The following C2orf74 variants were observed in gnomAD, a reference collection of about 807,000 sequenced individuals.
C2orf74 encodes the protein DPM1 ER membrane anchor 1, also known as uncharacterized protein C2orf74.
Under a neutral mutation model 17.9 loss-of-function variants are expected in C2orf74, and 14 were observed. The ratio of observed to expected loss-of-function variants is 0.78; its 90% CI spans 0.52 to 1.22. The LOEUF is 1.22. Among genes scored for constraint, C2orf74 ranks in the 50% most tolerant of loss-of-function variants. The pLI, the probability that C2orf74 is intolerant of heterozygous loss-of-function variation, is 0.00. For missense variants in C2orf74, 217 were observed against 218.4 expected, an observed-to-expected ratio of 0.99 and a Z score of 0.04; for synonymous variants, 79 against 72.6, an observed-to-expected ratio of 1.09 and a Z score of -0.44.
Position 61,162,507 on chromosome 2 carries a change from C to T in C2orf74, c.-8C>T, listed in dbSNP as rs767564587. 3.2e-6 allele frequency: 5 copies of T among 1,550,142 alleles called. No homozygotes were observed. In the South Asian group the frequency reaches 6.0e-5, roughly 18 times the overall value. On this transcript the variant is annotated 5_prime_UTR_variant, in exon 2 of 5. Transcript: ENST00000432605. ...TTGTGAGAGTGGATGAGTCTTCTAG[C>T]TAAACCTATGAGCTTTGAAACCACA...
At chr2:61,147,201 G>A (rs1685097175) in intron 1 of C2orf74, among the ~76,000 whole-genome samples, 1 of 139,188 alleles carries the variant, frequency 7.2e-6, no homozygotes, top group South Asian at 2.2e-4. Context: ...GTGAAATTAT[G>A]GGAGATTTTT....
At chr2:61,151,103 G>A (rs1228608016) in intron 1 of C2orf74, among the ~76,000 whole-genome samples, 2 of 151,880 alleles carry the variant, frequency 1.3e-5, no homozygotes, top group African/African-American at 4.8e-5. Context: ...GGATCACAAG[G>A]TCAGGAGTTC....
intron 1 of C2orf74, among the ~76,000 whole-genome samples, chr2:61,147,420 A>C (rs1199198793): frequency 6.6e-6 from 1 of 152,198 alleles, no homozygotes; most frequent in Non-Finnish European, 1.5e-5. Context: ...GAATAACAAG[A>C]GTTCATCCAA....
At chr2:61,149,189 G>A (rs1471299418) in intron 1 of C2orf74, among the ~76,000 whole-genome samples, 1 of 152,202 alleles carries the variant, frequency 6.6e-6, no homozygotes, top group Non-Finnish European at 1.5e-5. Flanking sequence ...CATGGCTTGT[G>A]TATCTGTATT....
At chr2:61,160,994 T>A (rs146267632), upstream of C2orf74, among the ~76,000 whole-genome samples, 433 of 152,354 alleles carry the variant, frequency 2.8e-3, 1 homozygote, top group African/African-American at 8.7e-3. Flanking sequence ...TATACTGTTT[T>A]CTACAGTGAC....
rs1028848794 is a variant in C2orf74, at chr2:61,151,083, C to T, written c.-122+5887C>T. Among the ~76,000 whole-genome samples the T allele has an allele frequency of 5.3e-5, 8 of 151,890 alleles. No individual in the cohort carries two copies. In the South Asian group the frequency reaches 8.3e-4, roughly 16 times the overall value. On this transcript the variant is annotated intron_variant, in intron 1 of 3. Coordinates refer to the C2orf74 transcript ENST00000426997. ...CTGTAATCCCAGCACTTTGGGAGGCCGAGGCGGGAGGATCACAAGGTCAGG... is the reference window on the plus strand; with the variant it reads ...CTGTAATCCCAGCACTTTGGGAGGCTGAGGCGGGAGGATCACAAGGTCAGG...
chr2:61,148,540 A>G (rs1236061431), intron 1 of C2orf74, among the ~76,000 whole-genome samples: 1 of 152,186 alleles, frequency 6.6e-6, no homozygotes, highest in Non-Finnish European at 1.5e-5. Context: ...TTTTGGAAAT[A>G]GAGGATAGTT....
At chr2:61,145,817 T>C (rs538381653) in intron 1 of C2orf74, among the ~76,000 whole-genome samples, 3 of 152,298 alleles carry the variant, frequency 2.0e-5, no homozygotes, top group South Asian at 4.1e-4. Flanking sequence ...CACCTCAGTT[T>C]CACCAAGTGC....
At chr2:61,146,705 A>C (rs752138504) in intron 1 of C2orf74, among the ~76,000 whole-genome samples, 26 of 152,230 alleles carry the variant, frequency 1.7e-4, no homozygotes, top group Middle Eastern at 6.8e-3. Flanking sequence ...GTGGTGGCGC[A>C]TGCCTGTGGT....
chr2:61,155,080 A>G (rs1685354592), intron 1 of C2orf74, among the ~76,000 whole-genome samples: 1 of 152,164 alleles, frequency 6.6e-6, no homozygotes, highest in Admixed American at 6.5e-5. Flanking sequence ...AAGAAAAAAG[A>G]AACAGAAAAG....
At chr2:61,160,563 C>T (rs1685535878), upstream of C2orf74, among the ~76,000 whole-genome samples, 1 of 151,708 alleles carries the variant, frequency 6.6e-6, no homozygotes, top group Non-Finnish European at 1.5e-5. Context: ...GGCTGGAGTG[C>T]AATGGCACGA....
chr2:61,152,553 A>G (rs1388058279), intron 1 of C2orf74, among the ~76,000 whole-genome samples: 2 of 145,506 alleles, frequency 1.4e-5, no homozygotes, highest in Non-Finnish European at 1.5e-5. Context: ...AAAAAAATTA[A>G]AAAAAAAAGC....
Position 61,163,190 on chromosome 2 carries a change from G to A in C2orf74, c.348G>A (p.Glu116=), listed in dbSNP as rs1685620356. The A allele has an allele frequency of 6.4e-7, 1 of 1,552,388 alleles. No individual in the cohort carries two copies. The highest frequency in any genetic ancestry group is 2.4e-5 in the East Asian group (1 of 41,060). ...CAGAAGAGGAGAACCAAATAAATGA[G>A]AAGCAAGAGCCTGAGAATGCTGGAG... ...MEAEEENQIN[E]KQEPENAGET... The change falls in exon 4 of 5, where the codon GAG becomes GAA. Residue 116 remains glutamate, a synonymous_variant. Coordinates refer to ENST00000432605, the MANE Select transcript of C2orf74 (RefSeq NM_001143959.4).
intron 4 of C2orf74, among the ~76,000 whole-genome samples, chr2:61,163,559 G>A (rs1034284776): frequency 1.3e-5 from 2 of 151,280 alleles, no homozygotes; most frequent in African/African-American, 2.4e-5. Flanking sequence ...AGCCAAGATC[G>A]CCACTGCACT....
In C2orf74 at chr2:61,152,043, C is replaced by G. The variant is rs1685242473; in HGVS notation, c.-122+6847C>G. 2.0e-5 allele frequency: 3 copies of G among 152,344 alleles called. No homozygotes were observed. The South Asian group carries it at 6.2e-4, about 32-fold the overall frequency. The allele number at this position is 152,344 out of a possible 1,614,324, so 9.4% of individuals were successfully genotyped here. A position where few individuals can be genotyped will look rare whatever the true frequency, so the allele number is the denominator to read the frequency against. On this transcript the variant is annotated intron_variant, in intron 1 of 3. Transcript: ENST00000426997. ...TAGAGGTGTGAGATTTCTGGCGCAT[C>G]ATGGTGAGTCTCATTTGGAGTCTGC... is the stretch of plus-strand genomic sequence containing the variant.
chr2:61,159,156 C>G (rs1359246714), upstream of C2orf74, among the ~76,000 whole-genome samples: 1 of 150,764 alleles, frequency 6.6e-6, no homozygotes, highest in African/African-American at 2.4e-5. Context: ...GCCACCACAC[C>G]CGGCTAATTT....
In C2orf74 at chr2:61,162,868, C is replaced by G; in HGVS notation, c.122C>G (p.Thr41Arg). Reference sequence around the variant, plus strand: ...TTCCAAGGCAGGAAAGGTAAAGAGACAAAGAAAGTGCCTTGTACAGATGCA... The same window carrying G: ...TTCCAAGGCAGGAAAGGTAAAGAGAGAAAGAAAGTGCCTTGTACAGATGCA... ...KCFQGRKGKE[T>R]KKVPCTDANG... The change falls in exon 3 of 5, where the codon ACA (threonine) becomes AGA (arginine). Residue 41 changes from threonine (T) to arginine (R), a missense_variant. By Grantham distance (71) the Thr-to-Arg change is moderately conservative. Coordinates refer to ENST00000432605, the MANE Select transcript of C2orf74 (RefSeq NM_001143959.4). 6.4e-7 allele frequency: 1 copy of G among 1,552,248 alleles called. No homozygotes were observed. The highest frequency in any genetic ancestry group is 8.7e-7 in the Non-Finnish European group (1 of 1,147,062).
At chr2:61,156,238 A>G (rs1451696040) in intron 1 of C2orf74, among the ~76,000 whole-genome samples, 1 of 152,034 alleles carries the variant, frequency 6.6e-6, no homozygotes, top group Non-Finnish European at 1.5e-5. Context: ...AAGGGAATGA[A>G]TAGAAGTTAA....
intron 1 of C2orf74, among the ~76,000 whole-genome samples, chr2:61,151,016 G>A (rs556929336): frequency 3.9e-5 from 6 of 152,158 alleles, no homozygotes; most frequent in Admixed American, 3.3e-4. Flanking sequence ...AGCTAGAAAG[G>A]TTTTTAAGAT....
Sources: gnomAD v4.1 joint callset for allele counts (sites outside exome capture counted in the v4.1 genomes callset) on GRCh38, gnomAD v4.1.1 for gene constraint, MANE v1.5 for transcripts, NCBI Gene and HGNC (gene_info 2026-07-23, HGNC 2026-07-21) for gene names.